The following FHAD1 variants were observed in gnomAD, a reference collection of about 807,000 sequenced individuals.
The protein encoded by FHAD1 is forkhead-associated domain-containing protein 1.
Under a neutral mutation model 191.3 loss-of-function variants are expected in FHAD1, and 146 were observed. The ratio of observed to expected loss-of-function variants is 0.76; its 90% CI spans 0.67 to 0.88. The LOEUF is 0.88. Among genes scored for constraint, FHAD1 ranks in the 40% least tolerant of loss-of-function variants. The pLI is 0.00. For missense variants in FHAD1, 1,635 were observed against 1,785.8 expected (o/e 0.92, Z 1.52); for synonymous variants, 616 against 672.3 (o/e 0.92, Z 1.29).
chr1:15,296,704 CTG>C lies in FHAD1; in HGVS notation c.591_592del (p.Ser198ArgfsTer30). ...IKQVWTNAMK[L>X]SEKSVAEGIP... is the part of the protein sequence containing the mutation. ...CTTAGTGTGGACCAATGCCATGAAACTGTCAGAAAAATCAGTGGCCGAGGGGA... is the reference window on the plus strand; with the variant it reads ...CTTAGTGTGGACCAATGCCATGAAACTCAGAAAAATCAGTGGCCGAGGGGA... On this transcript the variant is annotated frameshift_variant, in exon 5 of 34. Transcript: ENST00000688493. LOFTEE classifies it high-confidence loss of function. 1 of 1,552,214 alleles carries C rather than the reference CTG, an allele frequency of 6.4e-7. No individual in the cohort carries two copies.
rs1047753504 is a variant in FHAD1 at position 15,289,623 on chromosome 1, G to C, written c.525G>C (p.Ser175=). 47 of 1,551,334 alleles carry C rather than the reference G, an allele frequency of 3.0e-5. No individual in the cohort carries two copies. The Admixed American group carries it at 8.8e-4, about 29-fold the overall frequency. The change falls in exon 4 of 34, where the codon TCG becomes TCC. Residue 175 remains serine (S), a synonymous_variant. Transcript: ENST00000688493. The surrounding 1 kb of genome is among the most constrained non-coding windows in gnomAD (Gnocchi z 4.2). ...RPVSANKEMF[S]FVVDDARKPP... ...TGAGCGCCAACAAGGAGATGTTCTCGTTCGTGGTGGACGACGCCCGCAAGC... is the reference window on the plus strand; with the variant it reads ...TGAGCGCCAACAAGGAGATGTTCTCCTTCGTGGTGGACGACGCCCGCAAGC...
chr1:15,286,841 C>T (rs1476572001), intron 3 of FHAD1, among the ~76,000 whole-genome samples: 1 of 152,206 alleles, frequency 6.6e-6, no homozygotes, highest in Non-Finnish European at 1.5e-5. Flanking sequence ...AGCACCTGTG[C>T]AGTTAGTTGG....
chr1:15,356,607 C>T (rs951639755), intron 20 of FHAD1, among the ~76,000 whole-genome samples: 5 of 152,162 alleles, frequency 3.3e-5, no homozygotes, highest in African/African-American at 1.2e-4. Flanking sequence ...CACAGTGACT[C>T]ACGCCTGTAA....
intron 28 of FHAD1, among the ~76,000 whole-genome samples, chr1:15,377,831 C>CA (rs879304101): frequency 4.3e-4 from 58 of 135,220 alleles, no homozygotes; most frequent in South Asian, 1.7e-3. Context: ...GACTTTGTCT[C>CA]AAAAAAAAAA....
intron 8 of FHAD1, among the ~76,000 whole-genome samples, chr1:15,314,232 T>C (rs929306434): frequency 2.0e-5 from 3 of 152,174 alleles, no homozygotes; most frequent in Non-Finnish European, 2.9e-5. Context: ...CAGGTGTGCC[T>C]GAAGAGTTCG....
Position 15,276,125 on chromosome 1 carries a change from G to T in FHAD1, c.300+3596G>T, listed in dbSNP as rs2101462986. Among the ~76,000 whole-genome samples the T allele has an allele frequency of 6.6e-6, 1 of 152,296 alleles. No homozygotes were observed. The highest frequency in any genetic ancestry group is 2.1e-4 in the South Asian group (1 of 4,824). On this transcript the variant is annotated intron_variant, in intron 3 of 33. Coordinates refer to ENST00000688493, the MANE Select transcript of FHAD1 (RefSeq NM_001391957.1). This position sits in a 1 kb window ranked among gnomAD's most constrained non-coding sequence, Gnocchi z 4.7. The stretch of plus-strand genomic sequence containing the variant: ...TCTGCCCTGCTCTTGACCAGCTGTG[G>T]GATCATGCACAAGTTGCTTCACCTC...
intron 22 of FHAD1, among the ~76,000 whole-genome samples, chr1:15,361,478 GC>G: frequency 6.6e-6 from 1 of 152,056 alleles, no homozygotes; most frequent in East Asian, 1.9e-4. Flanking sequence ...AAGCTGGCAA[GC>G]CATCAGGACT....
intron 2 of FHAD1, among the ~76,000 whole-genome samples, chr1:15,253,148 CTGTGTGTGTGTGTGTGTG>C: frequency 6.8e-6 from 1 of 146,152 alleles, no homozygotes; most frequent in Non-Finnish European, 1.5e-5. Flanking sequence ...GACATAAGTG[CTGTGTGTGTGTGTGTGTG>C]TGTGTGTGTG....
At position 15,374,857 on chromosome 1, in the gene FHAD1, T is replaced by G. The variant is rs1392518462; in HGVS notation, c.3577+226T>G. ...TAACTCACTATTGTACGTTTTTTTT[T>G]TTGTTTGTTTTTTTTTTTTGAGACA... is the stretch of plus-strand genomic sequence containing the variant. On this transcript the variant is annotated intron_variant, in intron 27 of 33. Transcript: ENST00000688493. Among the ~76,000 whole-genome samples, 301 of 112,846 alleles carry G rather than the reference T, an allele frequency of 2.7e-3. 8 individuals carry two copies. The highest frequency in any genetic ancestry group is 0.022 in the Middle Eastern group (5 of 232). The allele number at this position is 112,846 out of a possible 152,430, so 74.0% of individuals were successfully genotyped here.
In FHAD1 at chr1:15,382,151, G is replaced by C. The variant is rs1200026137; in HGVS notation, c.4146G>C (p.Leu1382=). The change falls in exon 31 of 34, where the codon CTG becomes CTC. Residue 1382 remains leucine, a synonymous_variant. Transcript: ENST00000688493. ...CCCTGGAGCGCATGGAGCACCAGCT[G>C]TGCCAGGAGAAGAGGATCAACAGGG... ...KEALERMEHQ[L]CQEKRINRAI... 6 of 1,552,042 alleles carry C rather than the reference G, an allele frequency of 3.9e-6. No individual in the cohort carries two copies. The highest frequency in any genetic ancestry group is 5.2e-6 in the Non-Finnish European group (6 of 1,147,110).
intron 6 of FHAD1, among the ~76,000 whole-genome samples, chr1:15,301,784 T>C (rs189537161): frequency 6.6e-6 from 1 of 152,280 alleles, no homozygotes; most frequent in Non-Finnish European, 1.5e-5. Context: ...TCTGGCACTT[T>C]GGGAGGCTGA....
At chr1:15,358,431 C>A in intron 21 of FHAD1, 148 bp downstream of exon 21, 1 of 746,262 alleles carries the variant, frequency 1.3e-6, no homozygotes, top group Non-Finnish European at 2.1e-6. Flanking sequence ...AGGGGCTGTC[C>A]TGAGCATCTT....
At chr1:15,333,824 C>CTTTTTTTTTTTT in intron 14 of FHAD1, among the ~76,000 whole-genome samples, 1 of 64,802 alleles carries the variant, frequency 1.5e-5, no homozygotes, top group Non-Finnish European at 2.8e-5. Flanking sequence ...TTTTATTTAT[C>CTTTTTTTTTTTT]TTTTTTTTTT....
chr1:15,278,475 C>CTTTTTTTTTTTTTTTTTTTTTTTTTTTT (rs34110532), intron 3 of FHAD1, among the ~76,000 whole-genome samples: 1 of 124,324 alleles, frequency 8.0e-6, no homozygotes, highest in African/African-American at 3.3e-5. Context: ...TTCATTACCT[C>CTTTTTTTTTTTTTTTTTTTTTTTTTTTT]TTTTTTTTTT....
intron 28 of FHAD1, among the ~76,000 whole-genome samples, chr1:15,376,459 A>G (rs995463520): frequency 3.3e-5 from 5 of 152,232 alleles, no homozygotes; most frequent in Non-Finnish European, 7.3e-5. Flanking sequence ...GAGTTTGCCT[A>G]AAGTTTGCTT....
At chr1:15,348,980 A>G (rs1689883044) in intron 18 of FHAD1, 62 bp from the exon 19 acceptor site, 3 of 953,118 alleles carry the variant, frequency 3.1e-6, no homozygotes, top group African/African-American at 1.7e-5. Flanking sequence ...TATCATTATC[A>G]TTACTAGCAA....
intron 7 of FHAD1, among the ~76,000 whole-genome samples, chr1:15,309,529 C>G (rs1392067232): frequency 6.6e-6 from 1 of 152,204 alleles, no homozygotes; most frequent in Non-Finnish European, 1.5e-5. Context: ...GGGAAGCACT[C>G]AGGGGGTGAA....
intron 11 of FHAD1, 80 bp from the exon 12 acceptor site, chr1:15,326,979 C>T (rs976213321): frequency 1.4e-5 from 12 of 846,938 alleles, no homozygotes; most frequent in African/African-American, 3.4e-5. Flanking sequence ...TGGTGTTTCC[C>T]GCACCCTGCC....
At chr1:15,361,601 A>C (rs1274391076) in intron 22 of FHAD1, among the ~76,000 whole-genome samples, 2 of 152,044 alleles carry the variant, frequency 1.3e-5, no homozygotes, top group Non-Finnish European at 2.9e-5. Flanking sequence ...TCCCCGTAGT[A>C]ACAAAATTAT....
Sources: gnomAD v4.1 joint callset for allele counts (sites outside exome capture counted in the v4.1 genomes callset) on GRCh38, gnomAD v4.1.1 for gene constraint, Gnocchi (gnomAD v3.1) non-coding constraint, MANE v1.5 for transcripts, NCBI Gene and HGNC (gene_info 2026-07-23, HGNC 2026-07-21) for gene names.